The following MZT2B variants were observed in gnomAD, a reference collection of about 807,000 sequenced individuals.
MZT2B encodes mitotic-spindle organizing protein 2B.
A neutral mutation model predicts 12.1 loss-of-function variants in MZT2B; 11 were observed. The observed-to-expected ratio is 0.91, with a 90% CI of 0.57 to 1.50. MZT2B has a LOEUF of 1.50. Among genes scored for constraint, MZT2B ranks in the 40% most tolerant of loss-of-function variants. MZT2B has a pLI of 0.00. For missense variants in MZT2B, 209 were observed against 227.7 expected (o/e 0.92, Z 0.53); for synonymous variants, 85 against 109.5 (o/e 0.78, Z 1.40).
At chr2:130,200,845 C>G in the MZT2B span, among the ~76,000 whole-genome samples, 3 of 152,254 alleles carry the variant, frequency 2.0e-5, no homozygotes, top group African/African-American at 7.2e-5. Context: ...CAAGCCTCAG[C>G]CTTCCTTGTA....
At chr2:130,202,354 C>T in the MZT2B span, 31 of 1,290,076 alleles carry the variant, frequency 2.4e-5, no homozygotes, top group East Asian at 1.1e-4. Context: ...GACAAGGCGG[C>T]GCCTCGACAA....
the MZT2B span, chr2:130,196,511 A>G: frequency 3.4e-6 from 4 of 1,165,280 alleles, no homozygotes; most frequent in South Asian, 4.9e-5. Flanking sequence ...TAGGAGGGTT[A>G]GTGACTGATC....
chr2:130,187,852 A>T (rs1403727490), intron 2 of MZT2B, among the ~76,000 whole-genome samples: 2 of 152,064 alleles, frequency 1.3e-5, no homozygotes, highest in Non-Finnish European at 2.9e-5. Flanking sequence ...TTGGTTTCAC[A>T]TTTCCAGGGT....
At chr2:130,199,360 C>T in the MZT2B span, among the ~76,000 whole-genome samples, 4 of 121,342 alleles carry the variant, frequency 3.3e-5, 1 homozygote, top group Non-Finnish European at 5.4e-5. Flanking sequence ...GCCTGGGCAA[C>T]GTGGTGAGTC....
chr2:130,191,723 A>G, downstream of MZT2B: 2 of 1,524,884 alleles, frequency 1.3e-6, no homozygotes, highest in Non-Finnish European at 1.8e-6. Context: ...GGCAGAGCTA[A>G]GCTGCATGAC....
the MZT2B span, among the ~76,000 whole-genome samples, chr2:130,200,688 C>T: frequency 3.9e-5 from 6 of 152,302 alleles, no homozygotes; most frequent in East Asian, 9.6e-4. Context: ...ACCCCTGTCC[C>T]GGGAAGAGCA....
At chr2:130,201,239 G>A in the MZT2B span, among the ~76,000 whole-genome samples, 1 of 152,224 alleles carries the variant, frequency 6.6e-6, no homozygotes, top group South Asian at 2.1e-4. Flanking sequence ...AAAATCAGAG[G>A]AGGCCACTGG....
chr2:130,186,628 C>G (rs920129203), intron 2 of MZT2B, among the ~76,000 whole-genome samples: 29 of 152,132 alleles, frequency 1.9e-4, no homozygotes, highest in African/African-American at 7.0e-4. Context: ...TGCCAAATGA[C>G]CGGTACAAAA....
the MZT2B span, among the ~76,000 whole-genome samples, chr2:130,198,730 T>C: frequency 9.3e-4 from 115 of 123,400 alleles, 26 homozygotes; most frequent in African/African-American, 3.3e-3. Flanking sequence ...AGTGTGCCAC[T>C]GCCCCTCCCT....
chr2:130,187,627 G>A (rs1473343717), intron 2 of MZT2B, among the ~76,000 whole-genome samples: 1 of 152,164 alleles, frequency 6.6e-6, no homozygotes, highest in Non-Finnish European at 1.5e-5. Flanking sequence ...CAATCCCACT[G>A]TCTAGCCCGT....
At chr2:130,193,919 C>G, downstream of MZT2B, 1 of 1,614,192 alleles carries the variant, frequency 6.2e-7, no homozygotes, top group Non-Finnish European at 8.5e-7. Flanking sequence ...CTTGCCATGG[C>G]GAGGGTCACA....
At chr2:130,193,908 A>G, downstream of MZT2B, 1 of 1,614,242 alleles carries the variant, frequency 6.2e-7, no homozygotes, top group South Asian at 1.1e-5. Flanking sequence ...CAGGCCATGT[A>G]CTTGCCATGG....
the MZT2B span, among the ~76,000 whole-genome samples, chr2:130,202,089 A>G: frequency 6.6e-6 from 1 of 152,172 alleles, no homozygotes; most frequent in African/African-American, 2.4e-5. Flanking sequence ...AGAAAAATTG[A>G]GCCTTGGACA....
At chr2:130,202,265 A>G in the MZT2B span, 2 of 1,255,162 alleles carry the variant, frequency 1.6e-6, no homozygotes, top group South Asian at 2.6e-5. Flanking sequence ...CAACGTTTAC[A>G]TATAGTTGCT....
At chr2:130,196,249 A>G in the MZT2B span, 1 of 1,614,000 alleles carries the variant, frequency 6.2e-7, no homozygotes, top group Non-Finnish European at 8.5e-7. Flanking sequence ...CCCCGCCACC[A>G]ATGGTTTTAT....
chr2:130,182,009 A>G (rs1689696928), upstream of MZT2B: 3 of 1,367,100 alleles, frequency 2.2e-6, no homozygotes, highest in Middle Eastern at 2.9e-4. Flanking sequence ...AGCACGACCA[A>G]TGCAGTCTAT....
downstream of MZT2B, chr2:130,195,226 A>T (rs141271807): frequency 1.5e-4 from 236 of 1,613,698 alleles, 1 homozygote; most frequent in Admixed American, 3.3e-5. Flanking sequence ...TGCGCACTTC[A>T]TCTGCAAAAG....
chr2:130,182,880 T>G (rs1443942191), intron 2 of MZT2B, 105 bp downstream of exon 2: 59 of 1,474,980 alleles, frequency 4.0e-5, no homozygotes, highest in South Asian at 9.5e-5. Flanking sequence ...CAGGCCTGTC[T>G]GTCGGTCTAG....
upstream of MZT2B, chr2:130,182,176 C>G: frequency 7.9e-7 from 1 of 1,261,612 alleles, no homozygotes; most frequent in Non-Finnish European, 1.0e-6. Flanking sequence ...GCCCCTCCCG[C>G]CAGGGCAGCC....
Sources: allele counts gnomAD v4.1 joint callset (sites outside exome capture counted in the v4.1 genomes callset), GRCh38; gene constraint gnomAD v4.1.1; transcripts MANE v1.5; gene names NCBI Gene and HGNC (gene_info 2026-07-23, HGNC 2026-07-21).